Variants in ZNHIT1 observed in about 807,000 individuals in gnomAD.
ZNHIT1 encodes the protein zinc finger HIT-type containing 1, also known as zinc finger HIT domain-containing protein 1.
In ZNHIT1, 20 loss-of-function variants were observed where a neutral mutation model predicts 21.4. That is an observed-to-expected ratio of 0.93 (90% confidence interval 0.66 to 1.36). The LOEUF is 1.36. Among genes scored for constraint, ZNHIT1 ranks in the 40% most tolerant of loss-of-function variants. ZNHIT1 has a pLI of 0.00. For missense variants in ZNHIT1, 170 were observed against 213.5 expected, an observed-to-expected ratio of 0.80 and a Z score of 1.27; for synonymous variants, 79 against 84.0, an observed-to-expected ratio of 0.94 and a Z score of 0.32.
chr7:101,218,291 T>C (rs2116816343), intron 1 of ZNHIT1, 74 bp downstream of exon 1: 3 of 1,525,414 alleles, frequency 2.0e-6, no homozygotes, highest in Non-Finnish European at 1.8e-6. Context: ...TAGTCATTCC[T>C]CTTTTTTGGT....
intron 1 of ZNHIT1, chr7:101,220,124 T>G (rs1041353507): frequency 6.8e-6 from 1 of 146,108 alleles, no homozygotes; most frequent in African/African-American, 2.5e-5. Context: ...TTTTTTTTTT[T>G]TTTTTTTTTT....
chr7:101,223,874 C>T lies in ZNHIT1; in HGVS notation c.443+32C>T, dbSNP rs200866129. 1.4e-5 allele frequency: 22 copies of T among 1,613,990 alleles called. No individual in the cohort carries two copies. In the Admixed American group the frequency reaches 2.2e-4, roughly 16 times the overall value. ...ATGAGACCTGCTGTCCACTCCCACTCCCTCCTTCCCACAGCCTCCCCAGAC... is the reference window on the plus strand; with the variant it reads ...ATGAGACCTGCTGTCCACTCCCACTTCCTCCTTCCCACAGCCTCCCCAGAC... On this transcript the variant is annotated intron_variant, in intron 4 of 4. Coordinates refer to ENST00000305105, the MANE Select transcript of ZNHIT1 (RefSeq NM_006349.3).
At chr7:101,222,528 C>A (rs980083217) in intron 1 of ZNHIT1, 76 bp from the exon 2 acceptor site, 57 of 1,522,496 alleles carry the variant, frequency 3.7e-5, no homozygotes, top group Non-Finnish European at 5.0e-5. Context: ...GGGTGCCTTC[C>A]TCGCCCTGCC....
chr7:101,220,940 C>T (rs975389810), intron 1 of ZNHIT1: 6 of 152,136 alleles, frequency 3.9e-5, no homozygotes, highest in Non-Finnish European at 7.3e-5. Context: ...TTAGTAGAGA[C>T]ATGGTTTCAC....
Position 101,224,044 on chromosome 7 carries a change from C to T in ZNHIT1, c.*86C>T. The stretch of plus-strand genomic sequence containing the variant: ...ATTTCATCACCCAATGCAGGGGGAG[C>T]TCTTCCTGGACCAAGGGAGGAGCCG... On this transcript the variant is annotated 3_prime_UTR_variant, in exon 5 of 5. Transcript: ENST00000305105. The T allele has an allele frequency of 6.3e-7, 1 of 1,598,518 alleles. No individual in the cohort carries two copies. Among genetic ancestry groups the T allele is most frequent in the Non-Finnish European group, 8.6e-7 (1 of 1,168,868 alleles).
Position 101,222,670 on chromosome 7 carries a change from G to A in ZNHIT1, c.89G>A (p.Arg30Gln), listed in dbSNP as rs753004444. The A allele has an allele frequency of 4.3e-6, 7 of 1,613,978 alleles. No homozygotes were observed. Among genetic ancestry groups the A allele is most frequent in the African/African-American group, 2.7e-5 (2 of 74,950 alleles). Reference sequence around the variant, plus strand: ...GCTGCCCGGCAGCGTCGCATCAACCGGCAGCTGGAGGCCCTGGAGAATGAC... The same window carrying A: ...GCTGCCCGGCAGCGTCGCATCAACCAGCAGCTGGAGGCCCTGGAGAATGAC... ...DRAARQRRINRQLEALENDNF... is the reference protein window; with the variant it reads ...DRAARQRRINQQLEALENDNF... Residue 30 changes from arginine (R) to glutamine (Q), a missense_variant, in exon 2 of 5, where the codon CGG (arginine) becomes CAG (glutamine). Arg to Gln is a conservative substitution (Grantham distance 43, BLOSUM62 1). Coordinates refer to ENST00000305105, the MANE Select transcript of ZNHIT1 (RefSeq NM_006349.3).
chr7:101,219,535 T>C (rs1798338392), intron 1 of ZNHIT1: 1 of 152,236 alleles, frequency 6.6e-6, no homozygotes, highest in Non-Finnish European at 1.5e-5. Context: ...CACACCATTC[T>C]CTGGCCTCAG....
chr7:101,220,559 T>A (rs1258123286), intron 1 of ZNHIT1: 1 of 152,184 alleles, frequency 6.6e-6, no homozygotes, highest in Non-Finnish European at 1.5e-5. Flanking sequence ...ACAGCTGTTG[T>A]AAGGGTTAAA....
chr7:101,220,155 T>C lies in ZNHIT1; in HGVS notation c.22+1938T>C, dbSNP rs1440546286. 2.7e-5 allele frequency: 4 copies of C among 147,180 alleles called. 1 individual carries two copies. The highest frequency in any genetic ancestry group is 2.1e-4 in the Admixed American group (3 of 14,606). 9.1% of individuals were successfully genotyped at this position (147,180 alleles called of 1,614,324 possible). ...TTTTTTTTGAAACAGGGTCTTGCTC[T>C]GTCACCCAGGCTGGAGTGCAGTGGC... On this transcript the variant is annotated intron_variant, in intron 1 of 4. Transcript: ENST00000305105.
intron 3 of ZNHIT1, 40 bp from the exon 4 acceptor site, chr7:101,223,633 T>A: frequency 6.2e-7 from 1 of 1,612,782 alleles, no homozygotes; most frequent in Non-Finnish European, 8.5e-7. Flanking sequence ...GCTGCGTGGG[T>A]GGGCGGAGGA....
rs980083217 is a variant in ZNHIT1 at position 101,222,528 on chromosome 7, C to G, written c.23-76C>G. On this transcript the variant is annotated intron_variant, in intron 1 of 4. Coordinates refer to ENST00000305105, the MANE Select transcript of ZNHIT1 (RefSeq NM_006349.3). ...TGCAGCTTCCACCCCGGGTGCCTTC[C>G]TCGCCCTGCCCAGAGCGGCGGCCAC... 2.6e-6 allele frequency: 4 copies of G among 1,522,496 alleles called. No individual in the cohort carries two copies. The African/African-American group carries it at 5.6e-5, about 21-fold the overall frequency. The allele number at this position is 1,522,496 out of a possible 1,614,324, so 94.3% of individuals were successfully genotyped here. A position where few individuals can be genotyped will look rare whatever the true frequency, so the allele number is the denominator to read the frequency against.
At chr7:101,221,276 G>C (rs1181007055) in intron 1 of ZNHIT1, 1 of 150,764 alleles carries the variant, frequency 6.6e-6, no homozygotes, top group South Asian at 2.1e-4. Flanking sequence ...TGGAGTGGTG[G>C]CGCGATCACG....
chr7:101,222,175 A>G (rs1004831640), intron 1 of ZNHIT1: 17 of 164,260 alleles, frequency 1.0e-4, no homozygotes, highest in African/African-American at 3.6e-4. Context: ...GTTTGTGGGT[A>G]GGTGGCCTGG....
rs1798382667 is a variant in ZNHIT1 at position 101,222,342 on chromosome 7, G to T, written c.23-262G>T. On this transcript the variant is annotated intron_variant, in intron 1 of 4. Transcript: ENST00000305105. ...TCAGCAGTGAGCTGTCTCCAGGCCG[G>T]GGCTCACTGGCTGGGACTGGGATTG... The T allele has an allele frequency of 1.3e-5, 6 of 466,488 alleles. No individual in the cohort carries two copies. In the South Asian group the frequency reaches 2.4e-4, roughly 19 times the overall value. 28.9% of individuals were successfully genotyped at this position (466,488 alleles called of 1,614,324 possible).
At position 101,224,114 on chromosome 7, in the gene ZNHIT1, A is replaced by T; in HGVS notation, c.*156A>T. 8.6e-7 allele frequency: 1 copy of T among 1,164,508 alleles called. No homozygotes were observed. Among genetic ancestry groups the T allele is most frequent in the Non-Finnish European group, 1.2e-6 (1 of 813,424 alleles). 72.1% of individuals were successfully genotyped at this position (1,164,508 alleles called of 1,614,324 possible). A position where few individuals can be genotyped will look rare whatever the true frequency, so the allele number is the denominator to read the frequency against. Reference sequence around the variant, plus strand: ...TGTGTCTTATCTGCCAGGAAAGACCAGCCTCACTCCTGGGAACTGTCTGGC... The same window carrying T: ...TGTGTCTTATCTGCCAGGAAAGACCTGCCTCACTCCTGGGAACTGTCTGGC... On this transcript the variant is annotated 3_prime_UTR_variant, in exon 5 of 5. Transcript: ENST00000305105.
intron 1 of ZNHIT1, 164 bp downstream of exon 1, chr7:101,218,381 C>G: frequency 2.7e-6 from 2 of 737,774 alleles, no homozygotes; most frequent in Non-Finnish European, 4.4e-6. Context: ...TCAAACCATC[C>G]TCCCACCTCA....
At chr7:101,218,533 T>C (rs1208207854) in intron 1 of ZNHIT1, 6 of 387,488 alleles carry the variant, frequency 1.5e-5, no homozygotes, top group Admixed American at 1.3e-4. Flanking sequence ...GCGTGGGCCT[T>C]CCAAAGTGCT....
Position 101,224,005 on chromosome 7 carries a change from T to C in ZNHIT1, c.*47T>C. On this transcript the variant is annotated 3_prime_UTR_variant, in exon 5 of 5. Coordinates refer to ENST00000305105, the MANE Select transcript of ZNHIT1 (RefSeq NM_006349.3). ...AAGGGCCGCTGTGCACTGCCCGGCC[T>C]TCAGAAAGACAGAATTTCATCACCC... 6.2e-7 allele frequency: 1 copy of C among 1,613,886 alleles called. No homozygotes were observed. The highest frequency in any genetic ancestry group is 8.5e-7 in the Non-Finnish European group (1 of 1,179,942).
rs1798395347 is a variant in ZNHIT1 at position 101,222,848 on chromosome 7, G to A, written c.193+74G>A. 14 of 1,548,322 alleles carry A rather than the reference G, an allele frequency of 9.0e-6. No homozygotes were observed. The South Asian group carries it at 1.6e-4, about 18-fold the overall frequency. On this transcript the variant is annotated intron_variant, in intron 2 of 4. Coordinates refer to ENST00000305105, the MANE Select transcript of ZNHIT1 (RefSeq NM_006349.3). ...GGAGAGTCCGCCCAACTCAGGCTGT[G>A]GGAGGACCCAGGAGCTCCTGGTGCC...
Sources: allele counts gnomAD v4.1 joint callset, GRCh38; gene constraint gnomAD v4.1.1; transcripts MANE v1.5; gene names NCBI Gene and HGNC (gene_info 2026-07-23, HGNC 2026-07-21).